HARS2: variants seen among roughly 807,000 people sequenced by gnomAD.
HARS2 encodes histidine--tRNA ligase, mitochondrial.
In HARS2, 40 loss-of-function variants were observed where a neutral mutation model predicts 62.4. That is an observed-to-expected ratio of 0.64 (90% CI 0.50 to 0.83). The LOEUF (loss-of-function observed/expected upper bound fraction) is 0.83. Among genes scored for constraint, HARS2 ranks in the 40% least tolerant of loss-of-function variants. The probability of loss-of-function intolerance (pLI) is 0.00; values close to 1 mark genes in which losing one functional copy is unlikely to be tolerated. For synonymous variants in HARS2, 228 were observed against 227.0 expected (o/e 1.00, Z -0.04); for missense variants, 569 against 626.4 (o/e 0.91, Z 0.98).
At chr5:140,694,328 C>A in intron 4 of HARS2, 48 bp downstream of exon 4, 4 of 1,328,376 alleles carry the variant, frequency 3.0e-6, no homozygotes, top group Non-Finnish European at 4.4e-6. Context: ...CCAAATCCAG[C>A]GGGCTTTCTC....
chr5:140,697,169 C>G lies in HARS2; in HGVS notation c.960C>G (p.Ser320=). The change falls in exon 10 of 13, where the codon TCC becomes TCG. Residue 320 remains serine (S), a synonymous_variant. Transcript: ENST00000230771. ...CTGTAATCTTGTCCCCACAGATCTC[C>G]TTTGACCTCAGCCTGGCTCGGGGCC... is the stretch of plus-strand genomic sequence containing the variant. ...LTLFGIADKI[S]FDLSLARGLD... 1 of 1,614,204 alleles carries G rather than the reference C, an allele frequency of 6.2e-7. No individual in the cohort carries two copies. The highest frequency in any genetic ancestry group is 8.5e-7 in the Non-Finnish European group (1 of 1,180,034).
In HARS2 at chr5:140,697,403, G is replaced by A; in HGVS notation, c.1194G>A (p.Met398Ile). 1 of 1,613,846 alleles carries A rather than the reference G, an allele frequency of 6.2e-7. No individual in the cohort carries two copies. Among genetic ancestry groups the A allele is most frequent in the Non-Finnish European group, 8.5e-7 (1 of 1,180,038 alleles). ...ERIFYIVEQR[M>I]KTKGEKVRTT... is the part of the protein sequence containing the mutation. Reference sequence around the variant, plus strand: ...TCTTCTACATTGTGGAGCAGAGGATGAAGGTAGGTCCTAGATAGGTGTGAG... The same window carrying A: ...TCTTCTACATTGTGGAGCAGAGGATAAAGGTAGGTCCTAGATAGGTGTGAG... The change falls in exon 10 of 13, where the codon ATG (methionine) becomes ATA (isoleucine). Residue 398 changes from methionine (M) to isoleucine (I), a missense_variant. Coordinates refer to ENST00000230771, the MANE Select transcript of HARS2 (RefSeq NM_012208.4).
At position 140,697,589 on chromosome 5, in the gene HARS2, G is replaced by A; in HGVS notation, c.1218G>A (p.Arg406=). The A allele has an allele frequency of 6.2e-7, 1 of 1,613,608 alleles. No homozygotes were observed. Among genetic ancestry groups the A allele is most frequent in the Non-Finnish European group, 8.5e-7 (1 of 1,179,552 alleles). Residue 406 remains arginine, a synonymous_variant, in exon 11 of 13, where the codon CGG becomes CGA. Coordinates refer to ENST00000230771, the MANE Select transcript of HARS2 (RefSeq NM_012208.4). ...ATTAGACCAAAGGTGAGAAGGTGCG[G>A]ACTACAGAGACTCAAGTGTTTGTGG... ...QRMKTKGEKV[R]TTETQVFVAT... is the part of the protein sequence containing the mutation.
chr5:140,698,197 A>G, intron 12 of HARS2, 119 bp downstream of exon 12: 1 of 1,007,980 alleles, frequency 9.9e-7, no homozygotes, highest in Non-Finnish European at 1.5e-6. Context: ...GTAGAGATGA[A>G]CAAACACTCA....
intron 11 of HARS2, 62 bp from the exon 12 acceptor site, chr5:140,697,870 G>A (rs994002854): frequency 6.4e-7 from 1 of 1,557,144 alleles, no homozygotes; most frequent in Non-Finnish European, 8.9e-7. Context: ...GGATATCCAT[G>A]TTCCTGAGGT....
chr5:140,696,763 C>T, intron 8 of HARS2, 149 bp downstream of exon 8: 1 of 932,876 alleles, frequency 1.1e-6, no homozygotes, highest in Non-Finnish European at 1.8e-6. Flanking sequence ...ATTGTAACGA[C>T]TTTGTGTCTT....
In HARS2 at chr5:140,695,740, T is replaced by G. The variant is rs1433927268; in HGVS notation, c.528T>G (p.Asp176Glu). 6.2e-7 allele frequency: 1 copy of G among 1,613,662 alleles called. No individual in the cohort carries two copies. The highest frequency in any genetic ancestry group is 1.3e-5 in the African/African-American group (1 of 74,904). Residue 176 changes from aspartate (D) to glutamate (E), a missense_variant and splice_region_variant, in exon 6 of 13, where the codon GAT (aspartate) becomes GAG (glutamate). By Grantham distance (45) the Asp-to-Glu change is conservative. Transcript: ENST00000230771. ...QGRYREFCQC[D>E]FDIAGQFDPM... is the part of the protein sequence containing the mutation. ...TCCCATCTTTTTCTTTGCTGTAGGA[T>G]TTTGACATTGCTGGTCAGTTTGACC...
rs1381248088 is a variant in HARS2 at position 140,696,574 on chromosome 5, T to C, written c.786T>C (p.Pro262=). 3 of 1,613,684 alleles carry C rather than the reference T, an allele frequency of 1.9e-6. No homozygotes were observed. In the Admixed American group the frequency reaches 5.0e-5, roughly 27 times the overall value. ...TGGTGGTGAAGAAAGGCCTGGCTCC[T>C]GAGGTGGCTGATCGAATTGGGGACT... ...HEMVVKKGLA[P]EVADRIGDYV... is the part of the protein sequence containing the mutation. The change falls in exon 8 of 13, where the codon CCT becomes CCC. Residue 262 remains proline, a synonymous_variant. Coordinates refer to ENST00000230771, the MANE Select transcript of HARS2 (RefSeq NM_012208.4).
Position 140,691,632 on chromosome 5 carries a change from C to A in HARS2, c.-17C>A. On this transcript the variant is annotated 5_prime_UTR_variant, in exon 1 of 13. Transcript: ENST00000230771. ...GCCTTTTGTTCCTGTCCCGGAAAGCCGGCGTCCTGCCGCGCGATGCCCCTG... is the reference window on the plus strand; with the variant it reads ...GCCTTTTGTTCCTGTCCCGGAAAGCAGGCGTCCTGCCGCGCGATGCCCCTG... The A allele has an allele frequency of 6.6e-7, 1 of 1,516,948 alleles. No individual in the cohort carries two copies. Among genetic ancestry groups the A allele is most frequent in the Non-Finnish European group, 9.0e-7 (1 of 1,116,318 alleles). 94.0% of individuals were successfully genotyped at this position (1,516,948 alleles called of 1,614,324 possible). A position where few individuals can be genotyped will look rare whatever the true frequency, so the allele number is the denominator to read the frequency against.
chr5:140,698,343 G>T (rs890756133), intron 12 of HARS2, 150 bp from the exon 13 acceptor site: 4 of 784,644 alleles, frequency 5.1e-6, no homozygotes, highest in Non-Finnish European at 7.0e-6. Flanking sequence ...CATCTTGAGG[G>T]TATACATTCT....
intron 3 of HARS2, 40 bp downstream of exon 3, chr5:140,694,094 T>G: frequency 6.2e-7 from 1 of 1,613,486 alleles, no homozygotes; most frequent in Non-Finnish European, 8.5e-7. Flanking sequence ...CTCACTCACT[T>G]CTTCAATGGC....
rs1759457750 is a variant in HARS2, at chr5:140,691,517, T to G, written c.-132T>G. 1.3e-6 allele frequency: 1 copy of G among 761,680 alleles called. No homozygotes were observed. Among genetic ancestry groups the G allele is most frequent in the Non-Finnish European group, 2.3e-6 (1 of 443,364 alleles). 47.2% of individuals were successfully genotyped at this position (761,680 alleles called of 1,614,324 possible). On this transcript the variant is annotated 5_prime_UTR_variant, in exon 1 of 13. Transcript: ENST00000230771. The stretch of plus-strand genomic sequence containing the variant: ...ACCTCAGCCTTCGTGACTAGTGAGG[T>G]GCGCAAACGCCCGAGTTTTCCCTGG...
In HARS2 at chr5:140,695,831, G is replaced by A. The variant is rs761342761; in HGVS notation, c.619G>A (p.Asp207Asn). Residue 207 changes from aspartate to asparagine, a missense_variant, in exon 6 of 13, where the codon GAC becomes AAC. Asp to Asn is a conservative substitution (Grantham distance 23). Coordinates refer to ENST00000230771, the MANE Select transcript of HARS2 (RefSeq NM_012208.4). ...AATCCTAAGTGGATTGCAGTTGGGA[G>A]ACTTTCTCATTAAGGTGAGGCCAGG... ...CEILSGLQLGDFLIKVNDRRI... is the reference protein window; with the variant it reads ...CEILSGLQLGNFLIKVNDRRI... The A allele has an allele frequency of 5.6e-6, 9 of 1,607,928 alleles. No individual in the cohort carries two copies. The highest frequency in any genetic ancestry group is 6.8e-6 in the Non-Finnish European group (8 of 1,174,298).
intron 4 of HARS2, among the ~76,000 whole-genome samples, chr5:140,694,895 G>A (rs1485603758): frequency 2.6e-5 from 4 of 152,276 alleles, no homozygotes; most frequent in South Asian, 2.1e-4. Flanking sequence ...GCAGTGAGCC[G>A]AGATTGCGCC....
intron 1 of HARS2, 46 bp from the exon 2 acceptor site, chr5:140,693,545 G>T: frequency 6.2e-7 from 1 of 1,614,028 alleles, no homozygotes; most frequent in Non-Finnish European, 8.5e-7. Context: ...CCACAGGTCT[G>T]GCCAGTGTCC....
At chr5:140,695,717 C>CCAT in intron 5 of HARS2, 21 bp from the exon 6 acceptor site, 1 of 1,613,240 alleles carries the variant, frequency 6.2e-7, no homozygotes, top group East Asian at 2.2e-5. Flanking sequence ...ATGTTTTTTC[C>CCAT]CATCTTTTTC....
At position 140,693,295 on chromosome 5, in the gene HARS2, G is replaced by T. The variant is rs113066628; in HGVS notation, c.109-296G>T. 3.9e-3 allele frequency among the ~76,000 whole-genome samples: 580 copies of T among 148,960 alleles called. 1 individual carries two copies. Among genetic ancestry groups the T allele is most frequent in the African/African-American group, 0.014 (561 of 40,128 alleles). ...TGCAGTGAGCCGTGATTGTGCCACT[G>T]TACTCCAGCCTGGGCAACAGACCGA... On this transcript the variant is annotated intron_variant, in intron 1 of 12. Transcript: ENST00000230771.
intron 8 of HARS2, 76 bp from the exon 9 acceptor site, chr5:140,696,867 A>C: frequency 3.4e-6 from 4 of 1,177,098 alleles, no homozygotes; most frequent in East Asian, 2.3e-5. Context: ...AATGAGGAAG[A>C]CTAGCTAGAG....
At chr5:140,693,257 A>G (rs1392499808) in intron 1 of HARS2, among the ~76,000 whole-genome samples, 2 of 151,086 alleles carry the variant, frequency 1.3e-5, no homozygotes, top group Non-Finnish European at 2.9e-5. Flanking sequence ...TGCTTGAACC[A>G]GGAGGCAGAG....
Sources: allele counts gnomAD v4.1 joint callset (sites outside exome capture counted in the v4.1 genomes callset), GRCh38; gene constraint gnomAD v4.1.1; transcripts MANE v1.5; gene names NCBI Gene and HGNC (gene_info 2026-07-23, HGNC 2026-07-21).